CLSTN2: variants seen among roughly 807,000 people sequenced by gnomAD.
The protein encoded by CLSTN2 is calsyntenin 2.
Under a neutral mutation model 101.2 loss-of-function variants are expected in CLSTN2, and 48 were observed. That is an observed-to-expected ratio of 0.47 (90% CI 0.38 to 0.60). CLSTN2 has a LOEUF of 0.60. CLSTN2 is among the 20% of genes least tolerant of loss of function. The pLI is 0.00. For synonymous variants in CLSTN2, 481 were observed against 463.6 expected (o/e 1.04, Z -0.48); for missense variants, 1,160 against 1,238.2 (o/e 0.94, Z 0.95).
intron 1 of CLSTN2, among the ~76,000 whole-genome samples, chr3:140,047,352 G>A (rs2007901701): frequency 6.6e-6 from 1 of 152,006 alleles, no homozygotes; most frequent in Non-Finnish European, 1.5e-5. Flanking sequence ...ACATATATAT[G>A]GCCTTACAAC....
rs115115117 is a variant in CLSTN2, at chr3:140,017,280, C to T, written c.109+81797C>T. Among the ~76,000 whole-genome samples, 250 of 152,262 alleles carry T rather than the reference C, an allele frequency of 1.6e-3. 1 individual carries two copies. The highest frequency in any genetic ancestry group is 5.7e-3 in the African/African-American group (236 of 41,552). On this transcript the variant is annotated intron_variant, in intron 1 of 16. Transcript: ENST00000458420. The stretch of plus-strand genomic sequence containing the variant: ...ACAGCCTCCTGTTTCAGCTACTGTT[C>T]CATGCAGAGGTCGTTGTTTCCTATG...
intron 2 of CLSTN2, among the ~76,000 whole-genome samples, chr3:140,321,822 T>C (rs138788646): frequency 5.3e-5 from 8 of 152,368 alleles, no homozygotes; most frequent in Admixed American, 4.6e-4. Flanking sequence ...GCTATTTTAA[T>C]GTCTAGTACA....
intron 1 of CLSTN2, among the ~76,000 whole-genome samples, chr3:139,957,554 A>T (rs531067048): frequency 1.3e-5 from 2 of 152,032 alleles, no homozygotes; most frequent in Non-Finnish European, 2.9e-5. Flanking sequence ...GTGAAGGTGC[A>T]GGGCTCATGT....
chr3:140,232,418 G>C (rs1405018971), intron 2 of CLSTN2, among the ~76,000 whole-genome samples: 1 of 152,028 alleles, frequency 6.6e-6, no homozygotes, highest in Admixed American at 6.6e-5. Context: ...TTCTTCTCAT[G>C]GTTTCCCTAC....
chr3:140,096,408 G>A (rs767794163), intron 1 of CLSTN2, among the ~76,000 whole-genome samples: 4 of 152,208 alleles, frequency 2.6e-5, no homozygotes, highest in African/African-American at 4.8e-5. Context: ...CATTTGTGAC[G>A]TGCCAGAGGA....
chr3:140,338,668 G>A (rs1337525078), intron 2 of CLSTN2, among the ~76,000 whole-genome samples: 5 of 152,184 alleles, frequency 3.3e-5, no homozygotes, highest in African/African-American at 1.2e-4. Flanking sequence ...GGGACCCTGT[G>A]AGATCGTCTG....
At chr3:140,021,746 C>G (rs764772982) in intron 1 of CLSTN2, among the ~76,000 whole-genome samples, 12 of 152,180 alleles carry the variant, frequency 7.9e-5, no homozygotes, top group Non-Finnish European at 1.8e-4. Flanking sequence ...CATAAGAGAT[C>G]AATTTCTTTG....
chr3:140,098,155 A>G (rs1187115744), intron 1 of CLSTN2, among the ~76,000 whole-genome samples: 1 of 152,092 alleles, frequency 6.6e-6, no homozygotes, highest in African/African-American at 2.4e-5. Context: ...CAAGCAGGAG[A>G]GCTAATTGGA....
intron 1 of CLSTN2, among the ~76,000 whole-genome samples, chr3:140,132,353 C>T (rs2009536546): frequency 6.6e-6 from 1 of 152,186 alleles, no homozygotes; most frequent in South Asian, 2.1e-4. Context: ...AGTAACCTCA[C>T]TTAGAATGCA....
chr3:140,035,768 G>C lies in CLSTN2; in HGVS notation c.109+100285G>C, dbSNP rs537255008. On this transcript the variant is annotated intron_variant, in intron 1 of 16. Coordinates refer to ENST00000458420, the MANE Select transcript of CLSTN2 (RefSeq NM_022131.3). ...CACTGACTGAACACCAAAAGTTTTA[G>C]TATGGCTGTTAAGTCCCTGCAAGAC... Among the ~76,000 whole-genome samples the C allele has an allele frequency of 7.9e-5, 12 of 152,288 alleles. 1 individual carries two copies. The South Asian group carries it at 2.5e-3, about 32-fold the overall frequency.
chr3:140,390,684 T>C (rs2088104721), intron 2 of CLSTN2, among the ~76,000 whole-genome samples: 1 of 152,194 alleles, frequency 6.6e-6, no homozygotes, highest in Admixed American at 6.5e-5. Context: ...GATTGTGGAG[T>C]GTCTATTTCT....
chr3:140,279,594 G>A (rs148856885), intron 2 of CLSTN2, among the ~76,000 whole-genome samples: 4 of 152,320 alleles, frequency 2.6e-5, no homozygotes, highest in Non-Finnish European at 4.4e-5. Flanking sequence ...TAATGCAGCT[G>A]TGTCTCTGCT....
intron 5 of CLSTN2, among the ~76,000 whole-genome samples, chr3:140,442,398 C>T (rs2108004863): frequency 6.6e-6 from 1 of 152,244 alleles, no homozygotes; most frequent in Admixed American, 6.5e-5. Context: ...CCTGTTTCTT[C>T]CCATGGAAGC....
chr3:140,067,074 G>A (rs1409052476), intron 1 of CLSTN2, among the ~76,000 whole-genome samples: 1 of 152,116 alleles, frequency 6.6e-6, no homozygotes, highest in Non-Finnish European at 1.5e-5. Flanking sequence ...AGGTGACATG[G>A]GGTAACAAGG....
chr3:140,294,143 A>G (rs79625079), intron 2 of CLSTN2, among the ~76,000 whole-genome samples: 1,963 of 152,260 alleles, frequency 0.013, 43 homozygotes, highest in African/African-American at 0.044. Flanking sequence ...TATAAAATCA[A>G]AAGTCTTGAT....
intron 8 of CLSTN2, among the ~76,000 whole-genome samples, chr3:140,483,029 G>T (rs1934157034): frequency 6.6e-6 from 1 of 152,054 alleles, no homozygotes. Context: ...TTTTAATTGT[G>T]ATGTTAGGGC....
intron 2 of CLSTN2, among the ~76,000 whole-genome samples, chr3:140,340,611 C>A (rs778414825): frequency 6.6e-6 from 1 of 152,182 alleles, no homozygotes; most frequent in Non-Finnish European, 1.5e-5. Context: ...ATAAACCCTA[C>A]TCCCAGTGTA....
intron 2 of CLSTN2, among the ~76,000 whole-genome samples, chr3:140,295,279 G>A (rs2086992638): frequency 6.6e-6 from 1 of 151,910 alleles, no homozygotes; most frequent in African/African-American, 2.4e-5. Context: ...ATTTCTTTGT[G>A]GAAATATTGA....
At chr3:140,237,520 G>A (rs924579643) in intron 2 of CLSTN2, among the ~76,000 whole-genome samples, 1 of 152,038 alleles carries the variant, frequency 6.6e-6, no homozygotes, top group Non-Finnish European at 1.5e-5. Flanking sequence ...ACTCTTCCCC[G>A]TACATGATAA....
Sources: allele counts gnomAD v4.1 joint callset (sites outside exome capture counted in the v4.1 genomes callset), GRCh38; gene constraint gnomAD v4.1.1; transcripts MANE v1.5; gene names NCBI Gene and HGNC (gene_info 2026-07-23, HGNC 2026-07-21).